The following PUS10 variants were observed in gnomAD, a reference collection of about 807,000 sequenced individuals.
PUS10 encodes the protein tRNA pseudouridine synthase Pus10.
Under a neutral mutation model 75.0 loss-of-function variants are expected in PUS10, and 59 were observed. That is an observed-to-expected ratio of 0.79 (90% CI 0.64 to 0.98). The LOEUF (loss-of-function observed/expected upper bound fraction) is 0.98. Ranked by LOEUF, PUS10 falls within the 50% of genes least tolerant of loss-of-function variation. PUS10 has a pLI of 0.00. For missense variants in PUS10, 650 were observed against 614.4 expected, an observed-to-expected ratio of 1.06 and a Z score of -0.61; for synonymous variants, 219 against 211.6, an observed-to-expected ratio of 1.03 and a Z score of -0.30.
chr2:61,011,932 G>C (rs757468157), intron 1 of PUS10, 27 bp from the exon 2 acceptor site: 1 of 1,562,310 alleles, frequency 6.4e-7, no homozygotes, highest in Admixed American at 2.0e-5. Flanking sequence ...TAAAACTAAT[G>C]AGCAGCTTCT....
rs1453090758 is a variant in PUS10, at chr2:60,940,319, A to G, written c.*2076T>C. ...AACCACAGACTATATTTGGGACTAT[A>G]TAAGAGATACTAAGAAGTACAAAGG... On this transcript the variant is annotated 3_prime_UTR_variant, in exon 18 of 18. Transcript: ENST00000316752. 6.6e-6 allele frequency: 1 copy of G among 152,304 alleles called. No individual in the cohort carries two copies. Among genetic ancestry groups the G allele is most frequent in the Admixed American group, 6.6e-5 (1 of 15,266 alleles). 9.4% of individuals were successfully genotyped at this position (152,304 alleles called of 1,614,324 possible).
chr2:61,006,495 ATTTT>A (rs1304806877), intron 4 of PUS10, 58 bp downstream of exon 4: 1 of 1,232,840 alleles, frequency 8.1e-7, no homozygotes. Context: ...CTACATTCCC[ATTTT>A]TTGAGAAATT....
chr2:60,956,774 G>A (rs1288026957), intron 11 of PUS10, among the ~76,000 whole-genome samples: 2 of 151,994 alleles, frequency 1.3e-5, no homozygotes, highest in African/African-American at 2.4e-5. Flanking sequence ...AGAAGATCGA[G>A]ACCATCCTGG....
chr2:60,962,861 T>C lies in PUS10; in HGVS notation c.753A>G (p.Lys251=). 1 of 1,571,656 alleles carries C rather than the reference T, an allele frequency of 6.4e-7. No individual in the cohort carries two copies. Among genetic ancestry groups the C allele is most frequent in the Non-Finnish European group, 8.6e-7 (1 of 1,165,098 alleles). The change falls in exon 9 of 18, where the codon AAA becomes AAG. Residue 251 remains lysine (K), a synonymous_variant. Transcript: ENST00000316752. ...QSVFTRMAVM[K]ALNKIKEEDF... Reference sequence around the variant, plus strand: ...CCTCTTCCTTTATCTTATTCAAGGCTTTCATAACTGCCATTCTAGTGAATA... The same window carrying C: ...CCTCTTCCTTTATCTTATTCAAGGCCTTCATAACTGCCATTCTAGTGAATA...
intron 10 of PUS10, 127 bp from the exon 11 acceptor site, chr2:60,960,644 A>C: frequency 1.3e-6 from 1 of 745,234 alleles, no homozygotes; most frequent in South Asian, 2.3e-5. Flanking sequence ...CCTATCCTTT[A>C]CCTAACTAAC....
chr2:61,003,363 G>T (rs1028806866), intron 4 of PUS10, among the ~76,000 whole-genome samples: 3 of 151,642 alleles, frequency 2.0e-5, no homozygotes, highest in African/African-American at 7.3e-5. Context: ...TCGTGAGGCT[G>T]AGGCAGGAAA....
Position 61,011,841 on chromosome 2 carries a change from T to G in PUS10, c.50A>C (p.Asn17Thr). The G allele has an allele frequency of 6.2e-7, 1 of 1,610,318 alleles. No individual in the cohort carries two copies. The highest frequency in any genetic ancestry group is 1.3e-5 in the African/African-American group (1 of 74,822). ...GATACATCTTGGACAAGTACCAGTA[T>G]TGAGCAACAACTGGGCCACATGCTT... ...ENKHVAQLLL[N>T]TGTCPRCIFR... is the part of the protein sequence containing the mutation. The change falls in exon 2 of 18, where the codon AAT becomes ACT. Residue 17 changes from asparagine to threonine, a missense_variant. Coordinates refer to ENST00000316752, the MANE Select transcript of PUS10 (RefSeq NM_144709.4).
intron 8 of PUS10, among the ~76,000 whole-genome samples, chr2:60,963,405 C>G (rs927672656): frequency 6.6e-6 from 1 of 152,324 alleles, no homozygotes. Context: ...GTCTCACTCA[C>G]CAGCCACAGA....
chr2:60,949,496 C>G (rs1260074256), intron 15 of PUS10, among the ~76,000 whole-genome samples: 2 of 152,024 alleles, frequency 1.3e-5, no homozygotes. Context: ...TTTATTCTAA[C>G]ATTGCACTCC....
At chr2:60,955,757 G>A (rs779221270) in intron 11 of PUS10, among the ~76,000 whole-genome samples, 16 of 152,266 alleles carry the variant, frequency 1.1e-4, no homozygotes, top group Non-Finnish European at 1.9e-4. Context: ...TGTTTCTGAC[G>A]TTAAAATCCA....
chr2:60,949,685 T>C (rs1413268909), intron 15 of PUS10, among the ~76,000 whole-genome samples: 3 of 152,196 alleles, frequency 2.0e-5, no homozygotes, highest in Admixed American at 2.0e-4. Flanking sequence ...ACTGGAAAAC[T>C]AAAAACATTA....
At chr2:60,944,076 C>A (rs766652244) in intron 17 of PUS10, 1 of 211,296 alleles carries the variant, frequency 4.7e-6, no homozygotes, top group Non-Finnish European at 8.2e-6. Flanking sequence ...TGCAGTGACC[C>A]GTGATCGCAC....
intron 4 of PUS10, among the ~76,000 whole-genome samples, chr2:60,975,413 A>G (rs766816440): frequency 3.9e-5 from 6 of 152,004 alleles, no homozygotes; most frequent in Non-Finnish European, 7.4e-5. Flanking sequence ...CCAAAGTGCT[A>G]CGATTATAGA....
chr2:60,994,677 T>C (rs1206328535), intron 4 of PUS10, among the ~76,000 whole-genome samples: 1 of 152,206 alleles, frequency 6.6e-6, no homozygotes, highest in Non-Finnish European at 1.5e-5. Context: ...GTTTCATATT[T>C]TTACCAAGAA....
intron 4 of PUS10, among the ~76,000 whole-genome samples, chr2:60,979,840 G>A (rs1677273095): frequency 6.6e-6 from 1 of 152,194 alleles, no homozygotes; most frequent in Admixed American, 6.6e-5. Context: ...AAGTCAAGAG[G>A]GGAAAAGCAA....
chr2:60,941,233 A>G lies in PUS10; in HGVS notation c.*1162T>C, dbSNP rs1229590513. The G allele has an allele frequency of 6.6e-6, 1 of 152,326 alleles. No individual in the cohort carries two copies. The highest frequency in any genetic ancestry group is 1.5e-5 in the Non-Finnish European group (1 of 68,008). 9.4% of individuals were successfully genotyped at this position (152,326 alleles called of 1,614,324 possible). A position where few individuals can be genotyped will look rare whatever the true frequency, so the allele number is the denominator to read the frequency against. ...ATAATACCAACTGAGGTTTAACTTA[A>G]TAACAAATGGTAACTATATAAGATT... On this transcript the variant is annotated 3_prime_UTR_variant, in exon 18 of 18. Transcript: ENST00000316752.
At chr2:60,986,730 C>G (rs1677745046) in intron 4 of PUS10, among the ~76,000 whole-genome samples, 1 of 152,092 alleles carries the variant, frequency 6.6e-6, no homozygotes, top group South Asian at 2.1e-4. Flanking sequence ...CTTTTCTTTC[C>G]AGGGACTTGC....
chr2:60,972,300 GA>G (rs1345875220), intron 4 of PUS10, among the ~76,000 whole-genome samples: 2 of 148,616 alleles, frequency 1.3e-5, no homozygotes, highest in Non-Finnish European at 1.5e-5. Context: ...CGTCTCTACT[GA>G]AAAAAAAAGT....
At chr2:60,942,488 T>A in intron 17 of PUS10, 55 bp from the exon 18 acceptor site, 4 of 1,286,484 alleles carry the variant, frequency 3.1e-6, no homozygotes, top group Non-Finnish European at 4.5e-6. Context: ...GGTAAGCATT[T>A]GCTGGTAATG....
Sources: allele counts gnomAD v4.1 joint callset (sites outside exome capture counted in the v4.1 genomes callset), GRCh38; gene constraint gnomAD v4.1.1; transcripts MANE v1.5; gene names NCBI Gene and HGNC (gene_info 2026-07-23, HGNC 2026-07-21).